ZDHHC24: variants seen among roughly 807,000 people sequenced by gnomAD.
ZDHHC24 encodes the protein probable palmitoyltransferase ZDHHC24.
Under a neutral mutation model 23.2 loss-of-function variants are expected in ZDHHC24, and 17 were observed. The ratio of observed to expected loss-of-function variants is 0.73; its 90% CI spans 0.50 to 1.10. ZDHHC24 has a LOEUF of 1.10. Among genes scored for constraint, ZDHHC24 ranks in the 50% least tolerant of loss-of-function variants. ZDHHC24 has a pLI of 0.00. For missense variants in ZDHHC24, 366 were observed against 393.0 expected (o/e 0.93, Z 0.58); for synonymous variants, 186 against 194.5 (o/e 0.96, Z 0.36).
exon 5 of ZDHHC24, chr11:66,521,447 G>A: frequency 1.7e-6 from 2 of 1,196,528 alleles, no homozygotes; most frequent in Non-Finnish European, 1.2e-6. Flanking sequence ...AGGCTTGCAA[G>A]ATGAGAGTGG....
At chr11:66,529,591 T>C (rs143957675) in intron 2 of ZDHHC24, 7 of 691,372 alleles carry the variant, frequency 1.0e-5, no homozygotes, top group Non-Finnish European at 1.8e-5. Context: ...AGCTAGATAG[T>C]GCAGGCAGGG....
intron 3 of ZDHHC24, chr11:66,527,047 A>T (rs1856544302): frequency 6.5e-7 from 1 of 1,532,016 alleles, no homozygotes; most frequent in African/African-American, 1.4e-5. Flanking sequence ...CAGGGAAGGG[A>T]GCAGTCACTT....
chr11:66,545,762 C>T lies in ZDHHC24; in HGVS notation c.242G>A (p.Gly81Asp), dbSNP rs1027589962. Reference sequence around the variant, plus strand: ...CAGACCGCGGCCGGCCAGCATCACGCCACGGATGCTGGGATCCGAGCGCAG... The same window carrying T: ...CAGACCGCGGCCGGCCAGCATCACGTCACGGATGCTGGGATCCGAGCGCAG... ...LFLRSDPSIR[G>D]VMLAGRGLGQ... Residue 81 changes from glycine to aspartate, a missense_variant, in exon 1 of 3, where the codon GGC becomes GAC. By Grantham distance (94) the Gly-to-Asp change is moderately conservative. Transcript: ENST00000310442. This position sits in a 1 kb window ranked among gnomAD's most constrained non-coding sequence, Gnocchi z 4.5. The T allele has an allele frequency of 1.3e-6, 2 of 1,589,994 alleles. No homozygotes were observed. Among genetic ancestry groups the T allele is most frequent in the Non-Finnish European group, 8.5e-7 (1 of 1,173,512 alleles).
intron 3 of ZDHHC24, among the ~76,000 whole-genome samples, chr11:66,528,834 G>A (rs371145216): frequency 1.2e-4 from 18 of 151,986 alleles, no homozygotes; most frequent in Admixed American, 5.2e-4. Flanking sequence ...CAGGCTTGGC[G>A]GCGCGTGCCT....
At position 66,539,219 on chromosome 11, in the gene ZDHHC24, A is replaced by C. The variant is rs565503510; in HGVS notation, c.*310T>G. The C allele has an allele frequency of 2.8e-6, 3 of 1,078,998 alleles. No individual in the cohort carries two copies. The South Asian group carries it at 1.3e-4, about 47-fold the overall frequency. 66.8% of individuals were successfully genotyped at this position (1,078,998 alleles called of 1,614,324 possible). On this transcript the variant is annotated 3_prime_UTR_variant, in exon 3 of 3. Transcript: ENST00000310442. ...GGGTCCCAGAAACAGCCCCAGCAAC[A>C]AAGTGAGGGGCCAGAAACTATGCAA...
chr11:66,540,177 G>C (rs11604824), intron 2 of ZDHHC24, among the ~76,000 whole-genome samples: 8 of 152,090 alleles, frequency 5.3e-5, no homozygotes, highest in African/African-American at 9.7e-5. Flanking sequence ...CAGCACTTTG[G>C]GGGGGCGAAG....
At chr11:66,529,598 A>T in intron 2 of ZDHHC24, 1 of 692,368 alleles carries the variant, frequency 1.4e-6, no homozygotes, top group Non-Finnish European at 2.6e-6. Context: ...TAGTGCAGGC[A>T]GGGAGGTGGT....
intron 2 of ZDHHC24, chr11:66,530,040 G>C: frequency 6.5e-7 from 1 of 1,527,440 alleles, no homozygotes; most frequent in South Asian, 1.2e-5. Context: ...CTAAGCCCCA[G>C]AGCCAATTCC....
chr11:66,532,313 A>G (rs1856820723), downstream of ZDHHC24: 10 of 511,004 alleles, frequency 2.0e-5, no homozygotes, highest in Non-Finnish European at 3.6e-5. Flanking sequence ...CAGAAACCAT[A>G]CTGGGCTCAG....
At chr11:66,529,972 CAG>C (rs771349814) in intron 2 of ZDHHC24, 198 of 1,593,056 alleles carry the variant, frequency 1.2e-4, no homozygotes, top group Middle Eastern at 6.6e-4. Flanking sequence ...TGGGTGAGGG[CAG>C]AGTCAGGGCC....
chr11:66,523,466 C>A (rs1329996185), intron 4 of ZDHHC24: 1 of 1,614,016 alleles, frequency 6.2e-7, no homozygotes, highest in Non-Finnish European at 8.5e-7. Context: ...AGACTCCAAG[C>A]ACCCCAAGTA....
At chr11:66,525,108 G>A (rs1352235912) in intron 4 of ZDHHC24, among the ~76,000 whole-genome samples, 6 of 151,848 alleles carry the variant, frequency 4.0e-5, no homozygotes, top group Non-Finnish European at 7.4e-5. Context: ...GCTGAGGCAG[G>A]AGAATGGCGT....
chr11:66,529,667 C>T (rs1452932294), intron 2 of ZDHHC24: 3 of 997,648 alleles, frequency 3.0e-6, no homozygotes, highest in Non-Finnish European at 3.1e-6. Context: ...GAAGGCTGGG[C>T]TCTTTCCCTC....
In ZDHHC24 at chr11:66,543,804, G is replaced by A; in HGVS notation, c.459C>T (p.Val153=). 3.1e-6 allele frequency: 5 copies of A among 1,613,356 alleles called. No individual in the cohort carries two copies. Among genetic ancestry groups the A allele is most frequent in the Non-Finnish European group, 4.2e-6 (5 of 1,179,638 alleles). Residue 153 remains valine, a synonymous_variant, in exon 2 of 3, where the codon GTC becomes GTT. Transcript: ENST00000310442. ...LLHAAGVLLH[V]SVLLGPALSA... ...ACAGTGCAGGGCCCAGCAGCACAGA[G>A]ACGTGGAGCAGGACGCCGGCGGCAT... is the stretch of plus-strand genomic sequence containing the variant.
chr11:66,523,020 A>AGGGAAACTAAAATTGAGAGGCC (rs1856309843), intron 4 of ZDHHC24: 2 of 390,810 alleles, frequency 5.1e-6, no homozygotes, highest in Non-Finnish European at 5.0e-6. Context: ...CTTTCTGGAA[A>AGGGAAACTAAAATTGAGAGGCC]GGGAAACTAA....
downstream of ZDHHC24, among the ~76,000 whole-genome samples, chr11:66,535,272 C>T (rs57596493): frequency 0.21 from 31,391 of 151,864 alleles, 3,658 homozygotes; most frequent in East Asian, 0.26. Flanking sequence ...TGCAGAAGCA[C>T]GGTCACAGCT....
downstream of ZDHHC24, chr11:66,530,768 G>A (rs1396182290): frequency 1.4e-6 from 2 of 1,382,262 alleles, no homozygotes; most frequent in South Asian, 1.2e-5. Context: ...TTCTGTGTCT[G>A]CTGGGAGGCA....
chr11:66,530,622 AGGG>A (rs1285835930), intron 2 of ZDHHC24, among the ~76,000 whole-genome samples: 3 of 151,374 alleles, frequency 2.0e-5, no homozygotes, highest in Non-Finnish European at 4.4e-5. Flanking sequence ...TGGAACAGGC[AGGG>A]GGTGGGGGTG....
At chr11:66,540,854 CTAAG>C (rs549521262) in intron 2 of ZDHHC24, among the ~76,000 whole-genome samples, 5 of 152,108 alleles carry the variant, frequency 3.3e-5, no homozygotes, top group Non-Finnish European at 7.3e-5. Context: ...AAATGTTACT[CTAAG>C]TGAGAGAAGC....
Sources: allele counts gnomAD v4.1 joint callset (sites outside exome capture counted in the v4.1 genomes callset), GRCh38; gene constraint gnomAD v4.1.1; non-coding constraint Gnocchi (gnomAD v3.1); transcripts MANE v1.5; gene names NCBI Gene and HGNC (gene_info 2026-07-23, HGNC 2026-07-21).